FBXO33: variants seen among roughly 807,000 people sequenced by gnomAD.
The protein encoded by FBXO33 is F-box only protein 33.
Under a neutral mutation model 46.3 loss-of-function variants are expected in FBXO33, and 22 were observed. That is an observed-to-expected ratio of 0.48 (90% CI 0.34 to 0.68). The LOEUF is 0.68. Ranked by LOEUF, FBXO33 falls within the 30% of genes least tolerant of loss-of-function variation. FBXO33 has a pLI of 0.01. For synonymous variants in FBXO33, 337 were observed against 291.3 expected (o/e 1.16, Z -1.60); for missense variants, 692 against 708.8 (o/e 0.98, Z 0.27).
chr14:39,400,561 A>G (rs988762667), intron 3 of FBXO33, among the ~76,000 whole-genome samples: 1 of 152,220 alleles, frequency 6.6e-6, no homozygotes, highest in African/African-American at 2.4e-5. Context: ...GCACACTAAA[A>G]AAAAAATAAT....
intron 1 of FBXO33, among the ~76,000 whole-genome samples, chr14:39,405,756 T>C (rs556781789): frequency 5.9e-5 from 9 of 151,378 alleles, no homozygotes; most frequent in African/African-American, 1.9e-4. Context: ...TCACCCCACA[T>C]AAGAAAAATA....
chr14:39,399,893 G>A, intron 3 of FBXO33, 106 bp from the exon 4 acceptor site: 1 of 1,239,356 alleles, frequency 8.1e-7, no homozygotes, highest in Non-Finnish European at 1.1e-6. Context: ...CTTCAAATTT[G>A]TATCTCACTT....
Position 39,431,796 on chromosome 14 carries a change from G to A in FBXO33, c.367C>T (p.Pro123Ser), listed in dbSNP as rs1370826888. Residue 123 changes from proline to serine, a missense_variant, in exon 1 of 4, where the codon CCT becomes TCT. Pro to Ser is a moderately conservative substitution (Grantham distance 74). Coordinates refer to ENST00000298097, the MANE Select transcript of FBXO33 (RefSeq NM_203301.4). ...TTGCGCATGAGGAATTCCAGCCGAGGCTGCTCCGCGGGCGAGACGCGGAGG... is the reference window on the plus strand; with the variant it reads ...TTGCGCATGAGGAATTCCAGCCGAGACTGCTCCGCGGGCGAGACGCGGAGG... The part of the protein sequence containing the change: ...ICLRVSPAEQ[P>S]RLEFLMRKCG... 2 of 1,612,028 alleles carry A rather than the reference G, an allele frequency of 1.2e-6. No individual in the cohort carries two copies. The highest frequency in any genetic ancestry group is 2.2e-5 in the East Asian group (1 of 44,878).
Position 39,399,795 on chromosome 14 carries a change from A to T in FBXO33, c.1397-8T>A. ...GTGCCCACACCGTGTAACCTGAAAAATAAACAAAAGACAACACTGTAATTT... is the reference window on the plus strand; with the variant it reads ...GTGCCCACACCGTGTAACCTGAAAATTAAACAAAAGACAACACTGTAATTT... On this transcript the variant is annotated splice_region_variant and splice_polypyrimidine_tract_variant and intron_variant, in intron 3 of 3. Transcript: ENST00000298097. 2 of 1,540,448 alleles carry T rather than the reference A, an allele frequency of 1.3e-6. No homozygotes were observed. Among genetic ancestry groups the T allele is most frequent in the Non-Finnish European group, 1.8e-6 (2 of 1,135,600 alleles).
chr14:39,409,183 C>T lies in FBXO33; in HGVS notation c.600-6672G>A, dbSNP rs151245321. 3.2e-3 allele frequency among the ~76,000 whole-genome samples: 486 copies of T among 152,198 alleles called. 1 individual carries two copies. Among genetic ancestry groups the T allele is most frequent in the Non-Finnish European group, 5.5e-3 (374 of 68,012 alleles). On this transcript the variant is annotated intron_variant, in intron 1 of 3. Transcript: ENST00000298097. ...ACCAAGACCAATGCCAAGAAGCTTT[C>T]CCCCTATGTTTTCTGTGAGAAGTTT... is the stretch of plus-strand genomic sequence containing the variant.
At chr14:39,415,319 C>G (rs2075442516) in intron 1 of FBXO33, among the ~76,000 whole-genome samples, 2 of 152,062 alleles carry the variant, frequency 1.3e-5, no homozygotes, top group Non-Finnish European at 2.9e-5. Context: ...ACGACAACAA[C>G]AAGAACAACA....
chr14:39,413,468 T>C (rs904639245), intron 1 of FBXO33, among the ~76,000 whole-genome samples: 7 of 152,242 alleles, frequency 4.6e-5, no homozygotes, highest in Non-Finnish European at 1.5e-5. Flanking sequence ...TACAAAGTCC[T>C]GTTAATGTTG....
chr14:39,413,886 C>T (rs1173679626), intron 1 of FBXO33, among the ~76,000 whole-genome samples: 1 of 152,212 alleles, frequency 6.6e-6, no homozygotes, highest in Non-Finnish European at 1.5e-5. Context: ...TGTTGTTCCA[C>T]TTATGGAGCA....
chr14:39,402,908 T>C (rs1301597222), intron 1 of FBXO33, among the ~76,000 whole-genome samples: 2 of 152,018 alleles, frequency 1.3e-5, no homozygotes, highest in Admixed American at 6.6e-5. Context: ...CAAAGCAACA[T>C]GATACAGGAG....
chr14:39,424,047 T>C (rs1242566637), intron 1 of FBXO33, among the ~76,000 whole-genome samples: 1 of 152,190 alleles, frequency 6.6e-6, no homozygotes, highest in East Asian at 1.9e-4. Flanking sequence ...AGTGAGAACA[T>C]GCGGTATTTG....
chr14:39,401,824 T>C lies in FBXO33; in HGVS notation c.748A>G (p.Arg250Gly). 6.2e-7 allele frequency: 1 copy of C among 1,613,884 alleles called. No individual in the cohort carries two copies. The highest frequency in any genetic ancestry group is 1.3e-5 in the African/African-American group (1 of 75,034). ...QLFEEILSNS[R>G]QLKWLSCGFM... ...CCACAGGACAGCCATTTCAGTTGCCTACTATTACTCAGGATTTCTTCAAAC... is the reference window on the plus strand; with the variant it reads ...CCACAGGACAGCCATTTCAGTTGCCCACTATTACTCAGGATTTCTTCAAAC... The change falls in exon 3 of 4, where the codon AGG becomes GGG. Residue 250 changes from arginine to glycine, a missense_variant. Physicochemically the swap from Arg to Gly is moderately radical, Grantham distance 125. Around this residue, in one of 3 missense-constraint regions of FBXO33, gnomAD observed 412 missense variants for 370.8 expected, o/e 1.11. Transcript: ENST00000298097.
At chr14:39,415,323 A>G (rs1456787138) in intron 1 of FBXO33, among the ~76,000 whole-genome samples, 2 of 152,204 alleles carry the variant, frequency 1.3e-5, no homozygotes, top group African/African-American at 4.8e-5. Context: ...CAACAACAAG[A>G]ACAACAAAGA....
At chr14:39,406,177 AAAAT>A (rs751546327) in intron 1 of FBXO33, among the ~76,000 whole-genome samples, 15 of 152,114 alleles carry the variant, frequency 9.9e-5, no homozygotes, top group Non-Finnish European at 1.8e-4. Flanking sequence ...CTTAAAAAGA[AAAAT>A]AAAAAAAATT....
intron 1 of FBXO33, among the ~76,000 whole-genome samples, chr14:39,403,638 AT>A (rs2075379040): frequency 6.6e-6 from 1 of 152,186 alleles, no homozygotes; most frequent in Non-Finnish European, 1.5e-5. Context: ...TGATAGTAAA[AT>A]TGTAAATAAA....
chr14:39,419,856 G>A (rs1219709262), intron 1 of FBXO33, among the ~76,000 whole-genome samples: 1 of 152,124 alleles, frequency 6.6e-6, no homozygotes, highest in Non-Finnish European at 1.5e-5. Flanking sequence ...AATACTGATA[G>A]GATATAAGCT....
Position 39,432,127 on chromosome 14 carries a change from C to A in FBXO33, c.36G>T (p.Pro12=), listed in dbSNP as rs548257471. 337 of 1,241,684 alleles carry A rather than the reference C, an allele frequency of 2.7e-4. 3 individuals carry two copies. In the African/African-American group the frequency reaches 5.0e-3, roughly 18 times the overall value. The allele number at this position is 1,241,684 out of a possible 1,614,324, so 76.9% of individuals were successfully genotyped here. A position where few individuals can be genotyped will look rare whatever the true frequency, so the allele number is the denominator to read the frequency against. ...CCCCGGCTCGGGTTCGAGCTCCCGG[C>A]GGTCGGGGCTGCGGCACTGACAAGA... ...LLFLSVPQPR[P]PGARTRAGAA... The change falls in exon 1 of 4, where the codon CCG becomes CCT. Residue 12 remains proline, a synonymous_variant. Transcript: ENST00000298097.
At chr14:39,409,969 C>G (rs979786213) in intron 1 of FBXO33, among the ~76,000 whole-genome samples, 2 of 151,960 alleles carry the variant, frequency 1.3e-5, no homozygotes, top group East Asian at 3.9e-4. Context: ...ATATATAATG[C>G]CATGTCATCT....
chr14:39,413,117 G>A (rs1595984831), intron 1 of FBXO33, among the ~76,000 whole-genome samples: 2 of 152,316 alleles, frequency 1.3e-5, no homozygotes, highest in East Asian at 3.9e-4. Context: ...TTATCCACAG[G>A]AGAGATTGTT....
chr14:39,399,591 G>C lies in FBXO33; in HGVS notation c.1593C>G (p.Ile531Met). The C allele has an allele frequency of 6.2e-7, 1 of 1,613,606 alleles. No homozygotes were observed. Among genetic ancestry groups the C allele is most frequent in the African/African-American group, 1.3e-5 (1 of 75,022 alleles). ...LGQPWHAVMD[I>M]ESLSVFTEPN... The stretch of plus-strand genomic sequence containing the variant: ...GTTCAGTGAAGACACTGAGTGATTC[G>C]ATGTCCATGACTGCATGCCAAGGTT... Residue 531 changes from isoleucine to methionine, a missense_variant, in exon 4 of 4, where the codon ATC (isoleucine) becomes ATG (methionine). Ile to Met is a conservative substitution (Grantham distance 10, BLOSUM62 1). Around this residue, in one of 3 missense-constraint regions of FBXO33, gnomAD observed 94 missense variants for 91.9 expected, o/e 1.02. Transcript: ENST00000298097.
Sources: allele counts gnomAD v4.1 joint callset (sites outside exome capture counted in the v4.1 genomes callset), GRCh38; gene constraint gnomAD v4.1.1; regional missense constraint gnomAD v4.1.1; transcripts MANE v1.5; gene names NCBI Gene and HGNC (gene_info 2026-07-23, HGNC 2026-07-21).